Variants in ST8SIA6 observed in about 807,000 individuals in gnomAD.
ST8SIA6 encodes ST8 alpha-N-acetyl-neuraminide alpha-2,8-sialyltransferase 6.
Under a neutral mutation model 33.6 loss-of-function variants are expected in ST8SIA6, and 39 were observed. The observed-to-expected ratio is 1.16, with a 90% CI of 0.90 to 1.52. The LOEUF (loss-of-function observed/expected upper bound fraction) is 1.52. Ranked by LOEUF, ST8SIA6 falls within the 40% of genes most tolerant of loss-of-function variation. The probability of loss-of-function intolerance (pLI) is 0.00; values close to 1 mark genes in which losing one functional copy is unlikely to be tolerated. For missense variants in ST8SIA6, 441 were observed against 443.8 expected (o/e 0.99, Z 0.06); for synonymous variants, 172 against 167.2 (o/e 1.03, Z -0.22).
At chr10:17,398,882 C>A (rs762499932) in intron 2 of ST8SIA6, among the ~76,000 whole-genome samples, 26 of 152,264 alleles carry the variant, frequency 1.7e-4, no homozygotes, top group Admixed American at 7.2e-4. Flanking sequence ...ATTAGCTGTG[C>A]ACCAACTTCC....
rs781165248 is a variant in ST8SIA6 at position 17,321,054 on chromosome 10, A to G, written c.1021T>C (p.Tyr341His). The change falls in exon 8 of 8, where the codon TAT (tyrosine) becomes CAT (histidine). Residue 341 changes from tyrosine (Y) to histidine (H), a missense_variant. Transcript: ENST00000377602. ...AVELCKNVKL[Y>H]GFWPFSKTVE... ...GTTTTAGAGAAGGGCCAGAATCCATACAGCTTCACATTTTTACACAGTTCC... is the reference window on the plus strand; with the variant it reads ...GTTTTAGAGAAGGGCCAGAATCCATGCAGCTTCACATTTTTACACAGTTCC... 2 of 1,614,090 alleles carry G rather than the reference A, an allele frequency of 1.2e-6. No individual in the cohort carries two copies. The highest frequency in any genetic ancestry group is 1.7e-6 in the Non-Finnish European group (2 of 1,179,978).
chr10:17,396,211 T>C (rs1850800374), intron 2 of ST8SIA6, among the ~76,000 whole-genome samples: 1 of 152,212 alleles, frequency 6.6e-6, no homozygotes, highest in African/African-American at 2.4e-5. Flanking sequence ...AATTCCCTGA[T>C]CCACTGACAT....
chr10:17,322,231 AAAAAGAAAG>A (rs777470242), intron 7 of ST8SIA6, among the ~76,000 whole-genome samples: 1,945 of 134,780 alleles, frequency 0.014, 46 homozygotes, highest in African/African-American at 0.051. Context: ...AGAAAGAAAG[AAAAAGAAAG>A]AGAAAAAGAA....
intron 4 of ST8SIA6, among the ~76,000 whole-genome samples, chr10:17,337,933 AT>A (rs1848556570): frequency 6.6e-6 from 1 of 152,126 alleles, no homozygotes; most frequent in Non-Finnish European, 1.5e-5. Context: ...TCCCCACCAG[AT>A]TAGTAGGCAC....
intron 4 of ST8SIA6, among the ~76,000 whole-genome samples, chr10:17,333,707 A>C (rs866571311): frequency 0.022 from 591 of 26,734 alleles, 36 homozygotes; most frequent in African/African-American, 0.11. Context: ...ATATATATAT[A>C]TATATATATA....
intron 3 of ST8SIA6, among the ~76,000 whole-genome samples, chr10:17,376,617 A>G (rs1181483162): frequency 2.0e-5 from 3 of 152,230 alleles, no homozygotes; most frequent in Non-Finnish European, 2.9e-5. Context: ...GCAATGAGGA[A>G]TAAGATGGAC....
chr10:17,447,072 C>A lies in ST8SIA6; in HGVS notation c.200+6487G>T, dbSNP rs564792091. The stretch of plus-strand genomic sequence containing the variant: ...AGAGAAAAAATAATAAAGCTGTGAT[C>A]AAATAACAGAATCCATGTATGAAAA... On this transcript the variant is annotated intron_variant, in intron 2 of 7. Transcript: ENST00000377602. Among the ~76,000 whole-genome samples, 8 of 149,794 alleles carry A rather than the reference C, an allele frequency of 5.3e-5. No homozygotes were observed. In the South Asian group the frequency reaches 1.7e-3, roughly 32 times the overall value.
rs756371020 is a variant in ST8SIA6, at chr10:17,321,221, T to C, written c.854A>G (p.Tyr285Cys). 3.7e-6 allele frequency: 6 copies of C among 1,614,066 alleles called. No individual in the cohort carries two copies. In the South Asian group the frequency reaches 6.6e-5, roughly 18 times the overall value. The change falls in exon 8 of 8, where the codon TAC (tyrosine) becomes TGC (cysteine). Residue 285 changes from tyrosine to cysteine, a missense_variant. By Grantham distance (194) the Tyr-to-Cys change is radical. Transcript: ENST00000377602. ...TCTTGCTTTAGACTCTTCGAGCGTG[T>C]AGTATACTTTGAAAGAGGTACCCGT... Reference protein sequence around the residue: ...ANTGTSFKVYYTLEESKARQK... With the variant: ...ANTGTSFKVYCTLEESKARQK...
intron 2 of ST8SIA6, among the ~76,000 whole-genome samples, chr10:17,391,324 G>A (rs1376108037): frequency 6.6e-6 from 1 of 151,354 alleles, no homozygotes; most frequent in Non-Finnish European, 1.5e-5. Context: ...GTGCAGTGGT[G>A]CATCTCGACT....
At chr10:17,450,486 G>T (rs1343470862) in intron 2 of ST8SIA6, among the ~76,000 whole-genome samples, 2 of 152,098 alleles carry the variant, frequency 1.3e-5, no homozygotes, top group Admixed American at 6.5e-5. Flanking sequence ...TGCCACCCAG[G>T]CTGGAGTGCA....
intron 4 of ST8SIA6, among the ~76,000 whole-genome samples, chr10:17,337,962 A>C (rs1848557079): frequency 6.6e-6 from 1 of 152,100 alleles, no homozygotes. Flanking sequence ...AACCTGGTAA[A>C]ACACTGTACA....
chr10:17,349,270 T>C (rs1421951962), intron 4 of ST8SIA6, among the ~76,000 whole-genome samples: 1 of 152,216 alleles, frequency 6.6e-6, no homozygotes, highest in East Asian at 1.9e-4. Context: ...CTGGGGTTTA[T>C]AATTGTTTAC....
At chr10:17,357,444 C>T (rs2131615156) in intron 4 of ST8SIA6, among the ~76,000 whole-genome samples, 1 of 152,102 alleles carries the variant, frequency 6.6e-6, no homozygotes, top group African/African-American at 2.4e-5. Context: ...CCCTTCAGTT[C>T]TTTTAAAAAC....
rs188708406 is a variant in ST8SIA6, at chr10:17,334,355, C to T, written c.378-2803G>A. The stretch of plus-strand genomic sequence containing the variant: ...GAGATCGAGACCATCCTGGCTAACA[C>T]GGTGAAACCCCATTTCTACTAAAAA... On this transcript the variant is annotated intron_variant, in intron 4 of 7. Coordinates refer to ENST00000377602, the MANE Select transcript of ST8SIA6 (RefSeq NM_001004470.3). 7.6e-3 allele frequency among the ~76,000 whole-genome samples: 1,146 copies of T among 151,264 alleles called. 15 individuals carry two copies. Among genetic ancestry groups the T allele is most frequent in the African/African-American group, 0.026 (1,076 of 41,404 alleles).
chr10:17,398,320 C>T (rs1418728635), intron 2 of ST8SIA6, among the ~76,000 whole-genome samples: 1 of 151,022 alleles, frequency 6.6e-6, no homozygotes, highest in African/African-American at 2.4e-5. Flanking sequence ...GAGCAAGACT[C>T]CATCTTAAGG....
intron 2 of ST8SIA6, among the ~76,000 whole-genome samples, chr10:17,416,280 G>C (rs1851604708): frequency 6.6e-6 from 1 of 152,056 alleles, no homozygotes; most frequent in Admixed American, 6.6e-5. Flanking sequence ...GAATACCCTA[G>C]AACTTGCTCC....
intron 2 of ST8SIA6, chr10:17,413,648 G>C (rs1420771224): frequency 6.6e-6 from 1 of 152,222 alleles, no homozygotes; most frequent in East Asian, 1.9e-4. Flanking sequence ...CCCTAGAATT[G>C]GGCCAGAGCT....
chr10:17,397,319 C>T (rs1763165851), intron 2 of ST8SIA6, among the ~76,000 whole-genome samples: 1 of 150,772 alleles, frequency 6.6e-6, no homozygotes, highest in African/African-American at 2.4e-5. Flanking sequence ...CTGCAACCTC[C>T]ACCTCCTGGG....
chr10:17,386,129 T>G (rs1397894577), intron 3 of ST8SIA6, among the ~76,000 whole-genome samples: 1 of 151,788 alleles, frequency 6.6e-6, no homozygotes, highest in African/African-American at 2.4e-5. Flanking sequence ...TGCAGTGAGC[T>G]GTGTTCGTGC....
Sources: gnomAD v4.1 joint callset for allele counts (sites outside exome capture counted in the v4.1 genomes callset) on GRCh38, gnomAD v4.1.1 for gene constraint, MANE v1.5 for transcripts, NCBI Gene and HGNC (gene_info 2026-07-23, HGNC 2026-07-21) for gene names.